APTX: variants seen among roughly 807,000 people sequenced by gnomAD.
The protein encoded by APTX is aprataxin.
Under a neutral mutation model 42.3 loss-of-function variants are expected in APTX, and 33 were observed. That is an observed-to-expected ratio of 0.78 (90% CI 0.59 to 1.04). The LOEUF is 1.04. APTX is among the 50% of genes least tolerant of loss of function. APTX has a pLI of 0.00. For synonymous variants in APTX, 130 were observed against 146.7 expected (o/e 0.89, Z 0.82); for missense variants, 421 against 415.1 (o/e 1.01, Z -0.12).
intron 1 of APTX, among the ~76,000 whole-genome samples, chr9:33,024,106 T>G (rs373455907): frequency 1.3e-4 from 20 of 152,370 alleles, no homozygotes; most frequent in African/African-American, 4.6e-4. Flanking sequence ...TCATGGTTTC[T>G]CTGGCAGTCT....
chr9:33,012,325 G>A (rs551987242), intron 1 of APTX, among the ~76,000 whole-genome samples: 56 of 152,228 alleles, frequency 3.7e-4, no homozygotes, highest in South Asian at 6.2e-4. Flanking sequence ...TTTAGAAAAT[G>A]TATACTTAGC....
intron 1 of APTX, among the ~76,000 whole-genome samples, chr9:32,995,837 G>A (rs1430941289): frequency 6.7e-6 from 1 of 150,308 alleles, no homozygotes; most frequent in Non-Finnish European, 1.5e-5. Context: ...GCAGTGAACC[G>A]AGATCGCGCC....
chr9:33,010,041 GAAACTTAGA>G (rs1837427132), intron 1 of APTX, among the ~76,000 whole-genome samples: 1 of 152,166 alleles, frequency 6.6e-6, no homozygotes, highest in Non-Finnish European at 1.5e-5. Flanking sequence ...GTCCTGGGTT[GAAACTTAGA>G]AAACTTCTCT....
rs1792380918 is a variant in APTX, at chr9:33,001,609, G to C, written c.-47C>G. The C allele has an allele frequency of 6.2e-7, 1 of 1,613,782 alleles. No homozygotes were observed. The highest frequency in any genetic ancestry group is 1.1e-5 in the South Asian group (1 of 91,060). ...GGACAAATTCACGTTACTCATCTGT[G>C]CCTCACCGCTTCCGGCGCTGCGGGA... is the stretch of plus-strand genomic sequence containing the variant. On this transcript the variant is annotated 5_prime_UTR_variant, in exon 1 of 8. Coordinates refer to ENST00000379817, the MANE Select transcript of APTX (RefSeq NM_001195248.2).
chr9:32,986,055 C>CAAAAAAAAAA, intron 4 of APTX, 25 bp from the exon 5 acceptor site: 2 of 521,246 alleles, frequency 3.8e-6, no homozygotes, highest in South Asian at 2.8e-5. Flanking sequence ...AAAAAAAAAA[C>CAAAAAAAAAA]AAAAAAAAAA....
chr9:33,023,502 T>A (rs572241035), intron 1 of APTX, among the ~76,000 whole-genome samples: 74 of 152,248 alleles, frequency 4.9e-4, no homozygotes, highest in African/African-American at 1.7e-3. Context: ...GGATTACAGG[T>A]GTGAGGCACG....
rs1828448116 is a variant in APTX, at chr9:32,973,174, A to G, written c.*324T>C. 2.0e-6 allele frequency: 1 copy of G among 491,842 alleles called. No homozygotes were observed. Among genetic ancestry groups the G allele is most frequent in the African/African-American group, 1.9e-5 (1 of 51,566 alleles). The allele number at this position is 491,842 out of a possible 1,614,324, so 30.5% of individuals were successfully genotyped here. On this transcript the variant is annotated 3_prime_UTR_variant, in exon 8 of 8. Transcript: ENST00000379817. ...AGAAACAGAAATGTATAACCAGCCC[A>G]ATGCTTCCATACTCTGCATTAGGTC...
At chr9:32,988,841 ACT>A in intron 2 of APTX, among the ~76,000 whole-genome samples, 1 of 152,352 alleles carries the variant, frequency 6.6e-6, no homozygotes, top group African/African-American at 2.4e-5. Context: ...GAAAACAGAA[ACT>A]CAGGTGGCTT....
In APTX at chr9:33,019,249, G is replaced by A. The variant is rs558083618; in HGVS notation, c.-5+5774C>T. Reference sequence around the variant, plus strand: ...TTTAAAAAAATGAAGGGTGGTGAGTGGGGGTAGGAATGAAGGAGAGAGTTC... The same window carrying A: ...TTTAAAAAAATGAAGGGTGGTGAGTAGGGGTAGGAATGAAGGAGAGAGTTC... On this transcript the variant is annotated intron_variant, in intron 1 of 6. Coordinates refer to the APTX transcript ENST00000436040. Among the ~76,000 whole-genome samples the A allele has an allele frequency of 5.3e-5, 8 of 152,192 alleles. No homozygotes were observed. In the South Asian group the frequency reaches 1.7e-3, roughly 32 times the overall value.
chr9:33,008,408 A>AT (rs1031815488), intron 1 of APTX, among the ~76,000 whole-genome samples: 52 of 150,100 alleles, frequency 3.5e-4, no homozygotes, highest in African/African-American at 8.8e-4. Flanking sequence ...TCTGACTAAG[A>AT]TTTTTTTTTT....
At chr9:33,005,022 T>G (rs1362154741), upstream of APTX, among the ~76,000 whole-genome samples, 2 of 152,138 alleles carry the variant, frequency 1.3e-5, no homozygotes, top group African/African-American at 2.4e-5. Context: ...ATTTCCCTAA[T>G]GATTAGTGAT....
intron 6 of APTX, 82 bp downstream of exon 6, chr9:32,984,549 T>A (rs930459916): frequency 2.1e-6 from 3 of 1,401,254 alleles, no homozygotes; most frequent in Non-Finnish European, 3.0e-6. Flanking sequence ...CAGTGCAATA[T>A]GTGCCCTCAG....
rs1363374576 is a variant in APTX, at chr9:33,006,973, C to A, written c.-4-17078G>T. Among the ~76,000 whole-genome samples the A allele has an allele frequency of 2.2e-5, 3 of 133,500 alleles. No individual in the cohort carries two copies. The East Asian group carries it at 6.4e-4, about 29-fold the overall frequency. 87.6% of individuals were successfully genotyped at this position (133,500 alleles called of 152,430 possible). ...CTAGATTGCGCCACTACACTCTAGCCTGGGCGACAGAGCAAGACTCTGTCT... is the reference window on the plus strand; with the variant it reads ...CTAGATTGCGCCACTACACTCTAGCATGGGCGACAGAGCAAGACTCTGTCT... On this transcript the variant is annotated intron_variant, in intron 1 of 6. Transcript: ENST00000436040.
upstream of APTX, chr9:33,001,759 G>T: frequency 1.0e-6 from 1 of 960,090 alleles, no homozygotes; most frequent in Non-Finnish European, 1.6e-6. Flanking sequence ...TTCTCTCTGG[G>T]CCGTGGTCCA....
intron 6 of APTX, among the ~76,000 whole-genome samples, chr9:32,978,655 T>A (rs146619999): frequency 9.6e-4 from 146 of 152,340 alleles, no homozygotes; most frequent in South Asian, 8.3e-3. Context: ...AAAGCTCAAG[T>A]GCAATTTCTG....
intron 7 of APTX, 59 bp from the exon 8 acceptor site, chr9:32,973,711 C>CAAAAAAAAAAAAAAAAAAAAAAAAAAAA: frequency 7.5e-7 from 1 of 1,331,630 alleles, no homozygotes; most frequent in Non-Finnish European, 1.0e-6. Context: ...TATGAGATAC[C>CAAAAAAAAAAAAAAAAAAAAAAAAAAAA]AAAAAAAAAA....
chr9:33,004,812 T>TC (rs951448055), upstream of APTX, among the ~76,000 whole-genome samples: 1 of 151,574 alleles, frequency 6.6e-6, no homozygotes, highest in Admixed American at 6.6e-5. Flanking sequence ...TTTGTATTTT[T>TC]TTTTTTTTTA....
At chr9:32,989,549 C>A in intron 2 of APTX, 6 of 755,380 alleles carry the variant, frequency 7.9e-6, no homozygotes, top group Non-Finnish European at 1.4e-5. Flanking sequence ...CTGCTCCCAA[C>A]CTTCACCCAC....
rs746922480 is a variant in APTX, at chr9:32,973,115, T to C, written c.*383A>G. On this transcript the variant is annotated 3_prime_UTR_variant, in exon 8 of 8. Coordinates refer to ENST00000379817, the MANE Select transcript of APTX (RefSeq NM_001195248.2). Reference sequence around the variant, plus strand: ...CCACTCTAGATGCTCTGATTAAAGGTTGTCCATGCCTACAGAGGCGGAGGA... The same window carrying C: ...CCACTCTAGATGCTCTGATTAAAGGCTGTCCATGCCTACAGAGGCGGAGGA... The C allele has an allele frequency of 3.1e-5, 14 of 458,352 alleles. No homozygotes were observed. The highest frequency in any genetic ancestry group is 1.2e-4 in the African/African-American group (6 of 50,192). The allele number at this position is 458,352 out of a possible 1,614,324, so 28.4% of individuals were successfully genotyped here.
Sources: gnomAD v4.1 joint callset for allele counts (sites outside exome capture counted in the v4.1 genomes callset) on GRCh38, gnomAD v4.1.1 for gene constraint, MANE v1.5 for transcripts, NCBI Gene and HGNC (gene_info 2026-07-23, HGNC 2026-07-21) for gene names.